Variants in SKA2 observed in about 807,000 individuals in gnomAD.
SKA2 encodes the protein spindle and kinetochore associated complex subunit 2.
In SKA2, 13 loss-of-function variants were observed where a neutral mutation model predicts 16.9. The observed-to-expected ratio is 0.77, with a 90% CI of 0.50 to 1.22. SKA2 has a LOEUF of 1.22. Among genes scored for constraint, SKA2 ranks in the 50% most tolerant of loss-of-function variants. The probability of loss-of-function intolerance (pLI) is 0.00; values close to 1 mark genes in which losing one functional copy is unlikely to be tolerated. For synonymous variants in SKA2, 47 were observed against 48.5 expected (o/e 0.97, Z 0.13); for missense variants, 107 against 139.7 (o/e 0.77, Z 1.18).
At position 59,110,034 on chromosome 17, in the gene SKA2, A is replaced by G. The variant is rs1025990931; in HGVS notation, c.*2243T>C. ...TATACAGGTTTTAATTCCAGACAACAGAATAGTGGCTATTAACAATAAAAT... is the reference window on the plus strand; with the variant it reads ...TATACAGGTTTTAATTCCAGACAACGGAATAGTGGCTATTAACAATAAAAT... On this transcript the variant is annotated 3_prime_UTR_variant, in exon 4 of 4. Coordinates refer to ENST00000330137, the MANE Select transcript of SKA2 (RefSeq NM_182620.4). The G allele has an allele frequency of 6.6e-6, 1 of 152,244 alleles. No homozygotes were observed. The highest frequency in any genetic ancestry group is 1.5e-5 in the Non-Finnish European group (1 of 68,050). The allele number at this position is 152,244 out of a possible 1,614,324, so 9.4% of individuals were successfully genotyped here.
intron 1 of SKA2, among the ~76,000 whole-genome samples, chr17:59,137,569 T>C (rs1303214538): frequency 6.6e-6 from 1 of 152,216 alleles, no homozygotes; most frequent in Non-Finnish European, 1.5e-5. Flanking sequence ...AAGATCCTTT[T>C]CAATACTAAA....
chr17:59,141,931 G>GTCTC (rs1408289376), intron 1 of SKA2, among the ~76,000 whole-genome samples: 1 of 152,060 alleles, frequency 6.6e-6, no homozygotes, highest in Non-Finnish European at 1.5e-5. Flanking sequence ...TGCTACTGGT[G>GTCTC]TCTCTCATCC....
intron 1 of SKA2, 150 bp downstream of exon 1, chr17:59,154,981 T>C (rs750629863): frequency 1.4e-5 from 22 of 1,613,938 alleles, no homozygotes; most frequent in Admixed American, 3.3e-5. Flanking sequence ...CACCAGACGG[T>C]GGCGGCTCCC....
intron 2 of SKA2, among the ~76,000 whole-genome samples, chr17:59,126,152 C>G (rs1428072163): frequency 6.6e-6 from 1 of 151,700 alleles, no homozygotes; most frequent in Non-Finnish European, 1.5e-5. Context: ...GCCTGGGCGA[C>G]AGAGCGAGAC....
At chr17:59,112,726 C>T (rs1418483528) in intron 3 of SKA2, among the ~76,000 whole-genome samples, 2 of 152,046 alleles carry the variant, frequency 1.3e-5, no homozygotes, top group Admixed American at 6.6e-5. Context: ...TATAAAACTG[C>T]GTAGTATTTG....
intron 1 of SKA2, among the ~76,000 whole-genome samples, chr17:59,140,672 G>A (rs925181409): frequency 3.4e-5 from 5 of 147,972 alleles, no homozygotes; most frequent in Admixed American, 2.0e-4. Flanking sequence ...GTGTAGGGGT[G>A]CAATCTCGGC....
chr17:59,154,062 G>T (rs1297236673), intron 1 of SKA2, among the ~76,000 whole-genome samples: 1 of 151,180 alleles, frequency 6.6e-6, no homozygotes, highest in Non-Finnish European at 1.5e-5. Flanking sequence ...GAGCCACCGC[G>T]CCCGGCCAAT....
chr17:59,147,815 A>G (rs1424256601), intron 1 of SKA2, among the ~76,000 whole-genome samples: 1 of 150,868 alleles, frequency 6.6e-6, no homozygotes, highest in Non-Finnish European at 1.5e-5. Context: ...CAGACTATTA[A>G]ATATTGTTTT....
intron 3 of SKA2, among the ~76,000 whole-genome samples, chr17:59,116,449 AAT>A (rs1378012138): frequency 6.6e-6 from 1 of 152,134 alleles, no homozygotes; most frequent in Non-Finnish European, 1.5e-5. Context: ...TTCTTTTGTC[AAT>A]GTCTTAACAT....
intron 1 of SKA2, among the ~76,000 whole-genome samples, chr17:59,148,431 A>T (rs2046550534): frequency 6.6e-6 from 1 of 151,960 alleles, no homozygotes; most frequent in Non-Finnish European, 1.5e-5. Flanking sequence ...AAATAAAAAA[A>T]TTTTTTTGAG....
intron 2 of SKA2, among the ~76,000 whole-genome samples, chr17:59,128,191 G>A (rs1486601613): frequency 6.6e-6 from 1 of 152,022 alleles, no homozygotes; most frequent in South Asian, 2.1e-4. Flanking sequence ...CTCCAGCCTA[G>A]GGGACAGAGC....
rs141371209 is a variant in SKA2, at chr17:59,138,556, G to A, written c.34-7189C>T. 2.3e-3 allele frequency among the ~76,000 whole-genome samples: 350 copies of A among 151,942 alleles called. 5 individuals carry two copies. Among genetic ancestry groups the A allele is most frequent in the African/African-American group, 8.1e-3 (334 of 41,486 alleles). On this transcript the variant is annotated intron_variant, in intron 1 of 3. Coordinates refer to ENST00000330137, the MANE Select transcript of SKA2 (RefSeq NM_182620.4). The stretch of plus-strand genomic sequence containing the variant: ...AGCAATTCTCATGCCTCAGCCTCCC[G>A]ACTAGCTGGGACTACAGGCACACGC...
At chr17:59,139,214 G>A (rs1243356541) in intron 1 of SKA2, among the ~76,000 whole-genome samples, 12 of 151,898 alleles carry the variant, frequency 7.9e-5, no homozygotes, top group East Asian at 1.9e-4. Flanking sequence ...TGGCTAACAC[G>A]GTGAAACCCC....
At chr17:59,148,808 CAAAAAAA>C (rs758187008) in intron 1 of SKA2, among the ~76,000 whole-genome samples, 7 of 47,582 alleles carry the variant, frequency 1.5e-4, no homozygotes, top group South Asian at 8.3e-4. Context: ...GACCCTGTCT[CAAAAAAA>C]AAAAAAAAAA....
intron 1 of SKA2, chr17:59,137,917 A>C (rs1380956776): frequency 4.2e-6 from 2 of 471,318 alleles, no homozygotes; most frequent in African/African-American, 4.1e-5. Context: ...CAATTATGAT[A>C]ATCTAAAACT....
chr17:59,132,352 G>A (rs960793408), intron 1 of SKA2, among the ~76,000 whole-genome samples: 2 of 138,558 alleles, frequency 1.4e-5, no homozygotes, highest in Admixed American at 1.5e-4. Context: ...ATGAAACTCC[G>A]TCTCCACAAA....
intron 1 of SKA2, among the ~76,000 whole-genome samples, chr17:59,137,098 ACCTCCTGGAC>A (rs2046451399): frequency 1.6e-4 from 24 of 152,084 alleles, no homozygotes; most frequent in African/African-American, 5.3e-4. Flanking sequence ...TGCAGCCTCA[ACCTCCTGGAC>A]TCAAGAGATT....
intron 2 of SKA2, among the ~76,000 whole-genome samples, chr17:59,129,791 G>A (rs1283485477): frequency 6.6e-6 from 1 of 151,396 alleles, no homozygotes; most frequent in African/African-American, 2.4e-5. Context: ...GGAGGTGGAG[G>A]CTGCAGTGAC....
chr17:59,155,029 C>G, intron 1 of SKA2, 102 bp downstream of exon 1: 3 of 1,614,036 alleles, frequency 1.9e-6, no homozygotes, highest in Non-Finnish European at 2.5e-6. Context: ...CTGGTCCAGC[C>G]TCCGCCGCCC....
Sources: gnomAD v4.1 joint callset for allele counts (sites outside exome capture counted in the v4.1 genomes callset) on GRCh38, gnomAD v4.1.1 for gene constraint, MANE v1.5 for transcripts, NCBI Gene and HGNC (gene_info 2026-07-23, HGNC 2026-07-21) for gene names.